Variants in CCDC171 observed in about 807,000 individuals in gnomAD.
CCDC171 encodes the protein coiled-coil domain containing 171.
A neutral mutation model predicts 168.2 loss-of-function variants in CCDC171; 177 were observed. The observed-to-expected ratio is 1.05, with a 90% CI of 0.93 to 1.19. The LOEUF (loss-of-function observed/expected upper bound fraction) is 1.19. CCDC171 is among the 50% of genes most tolerant of loss of function. CCDC171 has a pLI of 0.00. For missense variants in CCDC171, 1,991 were observed against 1,539.0 expected (o/e 1.29, Z -4.91); for synonymous variants, 687 against 540.8 (o/e 1.27, Z -3.75).
chr9:16,082,756 T>G, the CCDC171 span, among the ~76,000 whole-genome samples: 8 of 152,328 alleles, frequency 5.3e-5, no homozygotes, highest in African/African-American at 1.9e-4. Context: ...CATTCTTGAG[T>G]GAGAGACAAA....
At chr9:15,576,176 T>C (rs2040647542) in intron 3 of CCDC171, among the ~76,000 whole-genome samples, 3 of 151,892 alleles carry the variant, frequency 2.0e-5, no homozygotes, top group Admixed American at 1.3e-4. Flanking sequence ...CATGTATATA[T>C]ATTTGTTGTT....
intron 24 of CCDC171, among the ~76,000 whole-genome samples, chr9:15,893,436 T>C (rs1589024049): frequency 6.6e-6 from 1 of 152,042 alleles, no homozygotes; most frequent in East Asian, 1.9e-4. Context: ...TGACAAATGG[T>C]ATCTAATTAA....
intron 25 of CCDC171, among the ~76,000 whole-genome samples, chr9:15,964,959 C>T (rs919581009): frequency 3.3e-5 from 5 of 152,086 alleles, no homozygotes; most frequent in African/African-American, 1.2e-4. Context: ...GACGGGTTTT[C>T]ACCATGTCGG....
chr9:15,894,538 C>T (rs1005114916), intron 24 of CCDC171, among the ~76,000 whole-genome samples: 12 of 152,182 alleles, frequency 7.9e-5, no homozygotes, highest in African/African-American at 2.2e-4. Context: ...TCACTTTGGC[C>T]TTGGGCTCTT....
At chr9:15,974,572 G>A (rs1476996081), downstream of CCDC171, among the ~76,000 whole-genome samples, 2 of 152,128 alleles carry the variant, frequency 1.3e-5, no homozygotes, top group Non-Finnish European at 2.9e-5. Flanking sequence ...AATTCTTAAA[G>A]TTATTGTTCT....
chr9:15,554,776 A>G (rs916922157), intron 1 of CCDC171, among the ~76,000 whole-genome samples: 1 of 152,176 alleles, frequency 6.6e-6, no homozygotes, highest in African/African-American at 2.4e-5. Context: ...ACTTAGCCAG[A>G]TGTGGATTTG....
At chr9:15,647,862 A>G (rs559381723) in intron 7 of CCDC171, among the ~76,000 whole-genome samples, 5 of 152,318 alleles carry the variant, frequency 3.3e-5, no homozygotes, top group Admixed American at 2.6e-4. Flanking sequence ...ATTCCAATCA[A>G]TAGAAAAAGA....
intron 23 of CCDC171, among the ~76,000 whole-genome samples, chr9:15,857,562 A>G (rs969362530): frequency 2.6e-5 from 4 of 151,880 alleles, no homozygotes; most frequent in Non-Finnish European, 5.9e-5. Flanking sequence ...AGCTGGAACT[A>G]CAGTAATACA....
At chr9:15,634,581 A>G (rs1422950379) in intron 7 of CCDC171, among the ~76,000 whole-genome samples, 1 of 152,146 alleles carries the variant, frequency 6.6e-6, no homozygotes, top group Non-Finnish European at 1.5e-5. Flanking sequence ...TTGTTTGGCT[A>G]CTTGGGGTAA....
At chr9:15,643,450 G>A (rs542404232) in intron 7 of CCDC171, among the ~76,000 whole-genome samples, 49 of 152,200 alleles carry the variant, frequency 3.2e-4, no homozygotes, top group African/African-American at 1.1e-3. Flanking sequence ...TTGTTCTAAG[G>A]CTTCAAAGTC....
At chr9:15,585,431 T>C (rs888877670) in intron 4 of CCDC171, among the ~76,000 whole-genome samples, 3 of 152,218 alleles carry the variant, frequency 2.0e-5, no homozygotes, top group Non-Finnish European at 2.9e-5. Flanking sequence ...ACGTATGCGG[T>C]AACATGAATG....
intron 1 of CCDC171, chr9:16,042,951 C>T (rs1833596615): frequency 6.6e-6 from 1 of 152,086 alleles, no homozygotes; most frequent in African/African-American, 2.4e-5. Context: ...TATCAAGGAT[C>T]ATTTGAGATG....
chr9:16,068,601 C>G, the CCDC171 span, among the ~76,000 whole-genome samples: 11 of 152,318 alleles, frequency 7.2e-5, no homozygotes, highest in African/African-American at 1.2e-4. Flanking sequence ...GTTTCGTCGT[C>G]TGTTAATTTG....
At chr9:15,592,129 C>T (rs2042047243) in intron 5 of CCDC171, among the ~76,000 whole-genome samples, 1 of 149,732 alleles carries the variant, frequency 6.7e-6, no homozygotes, top group African/African-American at 2.5e-5. Context: ...CTATATTTGC[C>T]ATTTTTTTTG....
At chr9:15,630,856 G>A (rs2045620699) in intron 7 of CCDC171, among the ~76,000 whole-genome samples, 1 of 152,138 alleles carries the variant, frequency 6.6e-6, no homozygotes, top group Admixed American at 6.6e-5. Context: ...TAGAACTCAG[G>A]ATTAAGAAAC....
At chr9:15,722,430 A>G (rs2053543936) in intron 12 of CCDC171, among the ~76,000 whole-genome samples, 1 of 152,216 alleles carries the variant, frequency 6.6e-6, no homozygotes, top group Non-Finnish European at 1.5e-5. Context: ...GCTTCTATTT[A>G]TCATCCCATT....
intron 25 of CCDC171, among the ~76,000 whole-genome samples, chr9:15,946,043 G>C (rs1383147281): frequency 6.6e-6 from 1 of 151,786 alleles, no homozygotes; most frequent in Non-Finnish European, 1.5e-5. Context: ...AATCCATCTT[G>C]AATTGATTTT....
intron 21 of CCDC171, among the ~76,000 whole-genome samples, chr9:15,826,355 A>T (rs1282900541): frequency 6.6e-6 from 1 of 151,528 alleles, no homozygotes; most frequent in Non-Finnish European, 1.5e-5. Flanking sequence ...GCCATGGAAG[A>T]TTATATTTTC....
chr9:16,098,465 A>C, the CCDC171 span, among the ~76,000 whole-genome samples: 3 of 152,184 alleles, frequency 2.0e-5, no homozygotes, highest in African/African-American at 7.2e-5. Flanking sequence ...CCTCAGAAGG[A>C]GAATAAGAAA....
Sources: allele counts gnomAD v4.1 joint callset (sites outside exome capture counted in the v4.1 genomes callset), GRCh38; gene constraint gnomAD v4.1.1; transcripts MANE v1.5; gene names NCBI Gene and HGNC (gene_info 2026-07-23, HGNC 2026-07-21).